STIP1: variants seen among roughly 807,000 people sequenced by gnomAD.
STIP1 encodes stress-induced-phosphoprotein 1.
Under a neutral mutation model 77.4 loss-of-function variants are expected in STIP1, and 16 were observed. The observed-to-expected ratio is 0.21, with a 90% CI of 0.14 to 0.31. The LOEUF is 0.31. Ranked by LOEUF, STIP1 falls within the 10% of genes least tolerant of loss-of-function variation. The pLI is 1.00. For synonymous variants in STIP1, 258 were observed against 246.6 expected (o/e 1.05, Z -0.44); for missense variants, 524 against 684.8 (o/e 0.77, Z 2.62).
At chr11:64,200,590 CGTGTGTGTGTGTGTGTGT>C (rs35484605) in intron 10 of STIP1, among the ~76,000 whole-genome samples, 28 of 141,208 alleles carry the variant, frequency 2.0e-4, no homozygotes, top group East Asian at 4.1e-4. Context: ...TCTAACTGGT[CGTGTGTGTGTGTGTGTGT>C]GTGTGTGTGT....
intron 12 of STIP1, 79 bp from the exon 13 acceptor site, chr11:64,203,371 C>T (rs1256537574): frequency 4.4e-6 from 7 of 1,597,380 alleles, no homozygotes; most frequent in South Asian, 1.1e-5. Context: ...TTGTCAGTTA[C>T]CTCTGTTATC....
At chr11:64,193,025 C>T in intron 1 of STIP1, 53 bp from the exon 2 acceptor site, 1 of 1,557,388 alleles carries the variant, frequency 6.4e-7, no homozygotes, top group Non-Finnish European at 8.8e-7. Flanking sequence ...GTCTTTAAAG[C>T]TTGGGATTAA....
chr11:64,192,090 A>C (rs1946099670), intron 1 of STIP1, among the ~76,000 whole-genome samples: 1 of 152,146 alleles, frequency 6.6e-6, no homozygotes, highest in Non-Finnish European at 1.5e-5. Context: ...AGGCGTGTGG[A>C]TCACCTGAGG....
upstream of STIP1, chr11:64,185,959 G>C: frequency 6.5e-7 from 1 of 1,538,096 alleles, no homozygotes; most frequent in Non-Finnish European, 8.7e-7. Context: ...CCCTCCATTC[G>C]TGGAGCCTGA....
chr11:64,193,436 C>G (rs1431183056), intron 2 of STIP1, 149 bp downstream of exon 2: 8 of 706,012 alleles, frequency 1.1e-5, no homozygotes, highest in Non-Finnish European at 1.9e-5. Context: ...CATTTTTCAT[C>G]AAATCTAAGG....
chr11:64,199,593 C>T (rs561486330), intron 8 of STIP1, among the ~76,000 whole-genome samples: 6 of 136,520 alleles, frequency 4.4e-5, no homozygotes, highest in Admixed American at 3.2e-4. Context: ...GATGGAGTCT[C>T]GCTCTGTCAC....
chr11:64,192,416 A>T (rs139058700), intron 1 of STIP1, among the ~76,000 whole-genome samples: 140 of 152,306 alleles, frequency 9.2e-4, no homozygotes, highest in Middle Eastern at 6.8e-3. Flanking sequence ...TTCATCCTCC[A>T]TCCCCTTTGT....
intron 8 of STIP1, among the ~76,000 whole-genome samples, chr11:64,198,222 A>AT (rs537940420): frequency 1.1e-4 from 17 of 149,334 alleles, no homozygotes; most frequent in East Asian, 2.0e-4. Flanking sequence ...CGTCCAGCTA[A>AT]TTTTTTTTTT....
At chr11:64,188,490 C>T (rs1201354702) in intron 1 of STIP1, among the ~76,000 whole-genome samples, 4 of 152,096 alleles carry the variant, frequency 2.6e-5, no homozygotes, top group African/African-American at 9.7e-5. Context: ...TGGCCTCAAG[C>T]GATCCTCCTG....
intron 9 of STIP1, 23 bp from the exon 10 acceptor site, chr11:64,200,146 C>T (rs1222998136): frequency 6.2e-7 from 1 of 1,609,450 alleles, no homozygotes; most frequent in Non-Finnish European, 8.5e-7. Context: ...TTTTAAAAGA[C>T]AGTCTTTGTT....
chr11:64,195,235 T>A (rs1269744377), intron 4 of STIP1, among the ~76,000 whole-genome samples: 1 of 152,178 alleles, frequency 6.6e-6, no homozygotes, highest in Non-Finnish European at 1.5e-5. Flanking sequence ...TGCCTCAGCC[T>A]CCTGAGTAGC....
chr11:64,190,296 C>T (rs1244574808), intron 1 of STIP1, among the ~76,000 whole-genome samples: 1 of 152,144 alleles, frequency 6.6e-6, no homozygotes, highest in Non-Finnish European at 1.5e-5. Flanking sequence ...GCCTCAGCCT[C>T]CCAAGTAGCT....
rs77088542 is a variant in STIP1 at position 64,196,975 on chromosome 11, C to G, written c.673-296C>G. On this transcript the variant is annotated intron_variant, in intron 5 of 13. Transcript: ENST00000305218. ...TGGTCCAAAACTCTGCTGTCCTCAC[C>G]GGTTGCTTCAAGTCGAAGGGATTTC... 4 of 349,072 alleles carry G rather than the reference C, an allele frequency of 1.1e-5. No homozygotes were observed. In the East Asian group the frequency reaches 1.9e-4, roughly 16 times the overall value. 21.6% of individuals were successfully genotyped at this position (349,072 alleles called of 1,614,324 possible).
chr11:64,189,067 A>T (rs1946060948), intron 1 of STIP1, among the ~76,000 whole-genome samples: 1 of 152,194 alleles, frequency 6.6e-6, no homozygotes, highest in African/African-American at 2.4e-5. Flanking sequence ...ATACAAAAGA[A>T]AAAAGAAAAA....
intron 8 of STIP1, among the ~76,000 whole-genome samples, chr11:64,198,469 C>T (rs1376896579): frequency 1.3e-5 from 2 of 152,140 alleles, no homozygotes; most frequent in Admixed American, 6.6e-5. Context: ...CCTCAACCTC[C>T]CAAAGTCCTG....
upstream of STIP1, chr11:64,185,967 T>A (rs759549213): frequency 2.6e-6 from 4 of 1,538,876 alleles, no homozygotes; most frequent in Middle Eastern, 1.7e-4. Flanking sequence ...TCGTGGAGCC[T>A]GAGATGGGTG....
intron 5 of STIP1, chr11:64,197,010 A>G (rs1946158206): frequency 4.5e-6 from 2 of 445,780 alleles, no homozygotes; most frequent in Admixed American, 3.6e-5. Flanking sequence ...CCTCTCCCCT[A>G]AAGAAGCGCT....
chr11:64,196,587 A>G (rs1946153260), intron 5 of STIP1, among the ~76,000 whole-genome samples: 1 of 152,130 alleles, frequency 6.6e-6, no homozygotes, highest in Non-Finnish European at 1.5e-5. Context: ...AATGTTGTCC[A>G]CATCAATCCC....
chr11:64,203,884 T>A, intron 13 of STIP1, 170 bp from the exon 14 acceptor site: 1 of 852,336 alleles, frequency 1.2e-6, no homozygotes. Flanking sequence ...AGAGTAGGAC[T>A]GGCAAGTTCT....
Sources: allele counts gnomAD v4.1 joint callset (sites outside exome capture counted in the v4.1 genomes callset), GRCh38; gene constraint gnomAD v4.1.1; transcripts MANE v1.5; gene names NCBI Gene and HGNC (gene_info 2026-07-23, HGNC 2026-07-21).